Variants in TRUB1 observed in about 807,000 individuals in gnomAD.
TRUB1 encodes TruB pseudouridine synthase family member 1.
In TRUB1, 23 loss-of-function variants were observed where a neutral mutation model predicts 33.9. The observed-to-expected ratio is 0.68, with a 90% CI of 0.49 to 0.96. TRUB1 has a LOEUF of 0.96. Ranked by LOEUF, TRUB1 falls within the 40% of genes least tolerant of loss-of-function variation. The pLI is 0.00. For missense variants in TRUB1, 378 were observed against 422.2 expected (o/e 0.90, Z 0.92); for synonymous variants, 163 against 165.4 (o/e 0.99, Z 0.11).
Position 114,938,471 on chromosome 10 carries a change from C to T in TRUB1, c.218C>T (p.Ala73Val). 1.3e-6 allele frequency: 2 copies of T among 1,593,332 alleles called. No individual in the cohort carries two copies. The highest frequency in any genetic ancestry group is 1.7e-6 in the Non-Finnish European group (2 of 1,171,272). Residue 73 changes from alanine (A) to valine (V), a missense_variant, in exon 1 of 8, where the codon GCC becomes GTC. Ala to Val is a moderately conservative substitution (Grantham distance 64). Transcript: ENST00000298746. Reference sequence around the variant, plus strand: ...CTGCTGTCCTTGAGCGGCGTGTTCGCCGTGCACAAGCCCAAAGGGCCCACT... The same window carrying T: ...CTGCTGTCCTTGAGCGGCGTGTTCGTCGTGCACAAGCCCAAAGGGCCCACT... ...TKLLSLSGVFAVHKPKGPTSA... is the reference protein window; with the variant it reads ...TKLLSLSGVFVVHKPKGPTSA...
At position 114,959,748 on chromosome 10, in the gene TRUB1, T is replaced by C. The variant is rs769738718; in HGVS notation, c.464T>C (p.Leu155Pro). 8.1e-6 allele frequency: 13 copies of C among 1,609,480 alleles called. No homozygotes were observed. In the East Asian group the frequency reaches 2.9e-4, roughly 36 times the overall value. ...GSKRYTAIGELGKATDTLDST... is the reference protein window; with the variant it reads ...GSKRYTAIGEPGKATDTLDST... Reference sequence around the variant, plus strand: ...TAGAGATATACTGCCATTGGAGAACTGGGGAAAGCTACTGATACACTAGAT... The same window carrying C: ...TAGAGATATACTGCCATTGGAGAACCGGGGAAAGCTACTGATACACTAGAT... Residue 155 changes from leucine (L) to proline (P), a missense_variant, in exon 4 of 8, where the codon CTG becomes CCG. Physicochemically the swap from Leu to Pro is moderately conservative, Grantham distance 98. Coordinates refer to ENST00000298746, the MANE Select transcript of TRUB1 (RefSeq NM_139169.5).
intron 4 of TRUB1, among the ~76,000 whole-genome samples, chr10:114,960,855 TC>T (rs1234332887): frequency 6.6e-6 from 1 of 152,048 alleles, no homozygotes; most frequent in Non-Finnish European, 1.5e-5. Context: ...GTCAGAGACT[TC>T]CAGAGGATAC....
In TRUB1 at chr10:114,972,246, A is replaced by G. The variant is rs1240586142; in HGVS notation, c.708A>G (p.Gln236=). The change falls in exon 6 of 8, where the codon CAA becomes CAG. Residue 236 remains glutamine (Q), a synonymous_variant. Transcript: ENST00000298746. ...TGACTGTATACAGTATCTCCCTTCA[A>G]AAATTCCAGCCACCATTTTTCACAT... ...RPVTVYSISL[Q]KFQPPFFTLD... 6.2e-7 allele frequency: 1 copy of G among 1,607,688 alleles called. No individual in the cohort carries two copies. Among genetic ancestry groups the G allele is most frequent in the South Asian group, 1.1e-5 (1 of 89,128 alleles).
intron 4 of TRUB1, among the ~76,000 whole-genome samples, 199 bp from the exon 5 acceptor site, chr10:114,970,169 A>G (rs1290248823): frequency 2.0e-5 from 3 of 152,232 alleles, no homozygotes; most frequent in African/African-American, 7.2e-5. Flanking sequence ...AATAAAGAAT[A>G]TAAGACTTTC....
At chr10:114,970,462 G>A (rs368109227) in intron 5 of TRUB1, 22 bp downstream of exon 5, 22 of 1,542,804 alleles carry the variant, frequency 1.4e-5, no homozygotes, top group Non-Finnish European at 1.8e-5. Context: ...TAGTAAATTT[G>A]GAAAAATGTT....
rs1311079638 is a variant in TRUB1, at chr10:114,975,047, C to T, written c.794-76C>T. On this transcript the variant is annotated intron_variant, in intron 7 of 7. Transcript: ENST00000298746. ...TTGAGAGATTTCAATTGAGTACGGTCATTTGAACAATTACAGACTATGAAA... is the reference window on the plus strand; with the variant it reads ...TTGAGAGATTTCAATTGAGTACGGTTATTTGAACAATTACAGACTATGAAA... 3.4e-6 allele frequency: 5 copies of T among 1,491,814 alleles called. No homozygotes were observed. The African/African-American group carries it at 4.2e-5, about 13-fold the overall frequency. 92.4% of individuals were successfully genotyped at this position (1,491,814 alleles called of 1,614,324 possible).
At chr10:114,941,413 C>T (rs2084186133) in intron 1 of TRUB1, among the ~76,000 whole-genome samples, 1 of 151,778 alleles carries the variant, frequency 6.6e-6, no homozygotes, top group African/African-American at 2.4e-5. Context: ...TCTTGGCTTA[C>T]TGCAACCTCT....
intron 4 of TRUB1, among the ~76,000 whole-genome samples, chr10:114,965,774 A>G (rs571928196): frequency 7.2e-4 from 110 of 152,248 alleles, no homozygotes; most frequent in Middle Eastern, 3.4e-3. Flanking sequence ...GCTTATATCA[A>G]TGTAGATAAT....
At chr10:114,958,776 A>G (rs1362055422) in intron 3 of TRUB1, among the ~76,000 whole-genome samples, 3 of 152,246 alleles carry the variant, frequency 2.0e-5, no homozygotes, top group Admixed American at 2.0e-4. Flanking sequence ...TTGTGAATAA[A>G]GATCAGTTCT....
At position 114,975,219 on chromosome 10, in the gene TRUB1, TTGA is replaced by T; in HGVS notation, c.894_896del (p.Asp299del). On this transcript the variant is annotated inframe_deletion, in exon 8 of 8. Transcript: ENST00000298746. ...GCCCTTCCTGAAGACAAATGGACAA[TTGA>T]TGACATTGCACAGTCTCTTGAGCAT... The T allele has an allele frequency of 6.2e-7, 1 of 1,613,710 alleles. No homozygotes were observed. Among genetic ancestry groups the T allele is most frequent in the Non-Finnish European group, 8.5e-7 (1 of 1,179,714 alleles).
chr10:114,975,427 T>C lies in TRUB1; in HGVS notation c.*48T>C, dbSNP rs761409331. On this transcript the variant is annotated 3_prime_UTR_variant, in exon 8 of 8. Coordinates refer to ENST00000298746, the MANE Select transcript of TRUB1 (RefSeq NM_139169.5). ...TTTTCTAGTTGACATTTGAATCCTG[T>C]GTGCAGATGCAGAATGACAAGCTGC... 1 of 1,482,882 alleles carries C rather than the reference T, an allele frequency of 6.7e-7. No individual in the cohort carries two copies. The highest frequency in any genetic ancestry group is 2.4e-5 in the Admixed American group (1 of 41,586). The allele number at this position is 1,482,882 out of a possible 1,614,324, so 91.9% of individuals were successfully genotyped here.
chr10:114,950,957 C>T, intron 2 of TRUB1, 137 bp from the exon 3 acceptor site: 1 of 624,170 alleles, frequency 1.6e-6, no homozygotes, highest in Non-Finnish European at 2.8e-6. Context: ...TAATAGGAGC[C>T]CTAACATTTT....
At chr10:114,946,248 G>C (rs1187630204) in intron 2 of TRUB1, among the ~76,000 whole-genome samples, 1 of 152,094 alleles carries the variant, frequency 6.6e-6, no homozygotes, top group East Asian at 1.9e-4. Flanking sequence ...CCAAAACTAA[G>C]TCAAAAGGTT....
intron 3 of TRUB1, among the ~76,000 whole-genome samples, chr10:114,953,394 G>A (rs2084245919): frequency 6.6e-6 from 1 of 152,070 alleles, no homozygotes; most frequent in South Asian, 2.1e-4. Context: ...TTATGTACCT[G>A]TTAAAAGAAC....
rs373579925 is a variant in TRUB1 at position 114,975,385 on chromosome 10, G to T, written c.*6G>T. 6.5e-7 allele frequency: 1 copy of T among 1,536,514 alleles called. No homozygotes were observed. The highest frequency in any genetic ancestry group is 8.8e-7 in the Non-Finnish European group (1 of 1,140,086). On this transcript the variant is annotated 3_prime_UTR_variant, in exon 8 of 8. Coordinates refer to ENST00000298746, the MANE Select transcript of TRUB1 (RefSeq NM_139169.5). ...ATGTAATTAAGACGTGTTGAGATTG[G>T]CCTGGGAATATCATCATTTTCTAGT...
chr10:114,940,868 T>TA (rs942505576), intron 1 of TRUB1, among the ~76,000 whole-genome samples: 13 of 152,170 alleles, frequency 8.5e-5, no homozygotes, highest in African/African-American at 3.1e-4. Flanking sequence ...GGTCTGGCCT[T>TA]AGAAGTTTAT....
chr10:114,964,112 C>T (rs1323935843), intron 4 of TRUB1, among the ~76,000 whole-genome samples: 2 of 152,174 alleles, frequency 1.3e-5, no homozygotes, highest in Non-Finnish European at 2.9e-5. Flanking sequence ...TGCATTTCCA[C>T]TAGGAGTGCA....
Position 114,975,457 on chromosome 10 carries a change from A to G in TRUB1, c.*78A>G, listed in dbSNP as rs2084356381. The G allele has an allele frequency of 7.3e-7, 1 of 1,368,410 alleles. No individual in the cohort carries two copies. The highest frequency in any genetic ancestry group is 9.7e-7 in the Non-Finnish European group (1 of 1,030,772). 84.8% of individuals were successfully genotyped at this position (1,368,410 alleles called of 1,614,324 possible). On this transcript the variant is annotated 3_prime_UTR_variant, in exon 8 of 8. Coordinates refer to ENST00000298746, the MANE Select transcript of TRUB1 (RefSeq NM_139169.5). The stretch of plus-strand genomic sequence containing the variant: ...AGATGCAGAATGACAAGCTGCATTC[A>G]AAAGACAAACAATATGTCTTTTTTT...
In TRUB1 at chr10:114,938,411, A is replaced by C. The variant is rs761206061; in HGVS notation, c.158A>C (p.Glu53Ala). 6 of 1,601,852 alleles carry C rather than the reference A, an allele frequency of 3.7e-6. 1 individual carries two copies. The South Asian group carries it at 6.7e-5, about 18-fold the overall frequency. Residue 53 changes from glutamate to alanine, a missense_variant, in exon 1 of 8, where the codon GAA becomes GCA. Physicochemically the swap from Glu to Ala is moderately radical, Grantham distance 107. Coordinates refer to ENST00000298746, the MANE Select transcript of TRUB1 (RefSeq NM_139169.5). ...VVAAAARTGS[E>A]ARVSKAALAT... is the part of the protein sequence containing the mutation. ...GCGGCCGCGGCCAGGACCGGATCCG[A>C]AGCCAGGGTCTCCAAGGCCGCTTTG...
Sources: gnomAD v4.1 joint callset for allele counts (sites outside exome capture counted in the v4.1 genomes callset) on GRCh38, gnomAD v4.1.1 for gene constraint, MANE v1.5 for transcripts, NCBI Gene and HGNC (gene_info 2026-07-23, HGNC 2026-07-21) for gene names.